GRIK3: variants seen among roughly 807,000 people sequenced by gnomAD.
GRIK3 encodes glutamate receptor ionotropic, kainate 3.
Under a neutral mutation model 102.5 loss-of-function variants are expected in GRIK3, and 29 were observed. The observed-to-expected ratio is 0.28, with a 90% CI of 0.21 to 0.39. The LOEUF is 0.39. Ranked by LOEUF, GRIK3 falls within the 10% of genes least tolerant of loss-of-function variation. The probability of loss-of-function intolerance (pLI) is 1.00; values close to 1 mark genes in which losing one functional copy is unlikely to be tolerated. For synonymous variants in GRIK3, 511 were observed against 504.9 expected, an observed-to-expected ratio of 1.01 and a Z score of -0.16; for missense variants, 908 against 1,252.4, an observed-to-expected ratio of 0.73 and a Z score of 4.15.
rs1314164510 is a variant in GRIK3, at chr1:36,951,797, AGAG to A, written c.116-60704_116-60702del. On this transcript the variant is annotated intron_variant, in intron 1 of 15. Transcript: ENST00000373091. ...GGGCTGAGGAAGACGAGGAGGAGGG[AGAG>A]GAGAGGGCAGAAATGGGGGGAACAG... Among the ~76,000 whole-genome samples, 3 of 150,536 alleles carry A rather than the reference AGAG, an allele frequency of 2.0e-5. No homozygotes were observed. The East Asian group carries it at 5.9e-4, about 29-fold the overall frequency.
intron 13 of GRIK3, among the ~76,000 whole-genome samples, chr1:36,815,956 G>T (rs575873723): frequency 6.6e-6 from 1 of 151,916 alleles, no homozygotes; most frequent in East Asian, 1.9e-4. Context: ...TCACCATATT[G>T]GCCAGGCTGG....
intron 5 of GRIK3, among the ~76,000 whole-genome samples, chr1:36,868,528 G>C (rs1640810208): frequency 1.3e-5 from 2 of 152,212 alleles, no homozygotes; most frequent in African/African-American, 4.8e-5. Flanking sequence ...CTCTCTGGGG[G>C]AGGCGGCTCT....
intron 10 of GRIK3, among the ~76,000 whole-genome samples, chr1:36,833,148 A>G (rs1640329989): frequency 6.6e-6 from 1 of 152,126 alleles, no homozygotes; most frequent in Non-Finnish European, 1.5e-5. Context: ...AAGAATGAGC[A>G]TCAAAATACC....
At chr1:36,993,374 C>T (rs1642382412) in intron 1 of GRIK3, among the ~76,000 whole-genome samples, 1 of 152,100 alleles carries the variant, frequency 6.6e-6, no homozygotes, top group Non-Finnish European at 1.5e-5. Flanking sequence ...AGTGATTCTC[C>T]GCCTCAGCCT....
chr1:36,814,520 C>A (rs7515584), intron 13 of GRIK3, among the ~76,000 whole-genome samples: 21,641 of 134,294 alleles, frequency 0.16, 1,822 homozygotes, highest in South Asian at 0.19. Flanking sequence ...CCCCCCCCCC[C>A]CACACACAGA....
intron 1 of GRIK3, among the ~76,000 whole-genome samples, chr1:36,942,169 C>T (rs71640705): frequency 0.029 from 4,392 of 152,308 alleles, 79 homozygotes; most frequent in South Asian, 0.044. Context: ...CCGAACTCCA[C>T]GGCACTACCT....
In GRIK3 at chr1:36,860,073, C is replaced by T. The variant is rs1300790143; in HGVS notation, c.787-56G>A. On this transcript the variant is annotated intron_variant, in intron 5 of 15. Coordinates refer to ENST00000373091, the MANE Select transcript of GRIK3 (RefSeq NM_000831.4). The stretch of plus-strand genomic sequence containing the variant: ...GCATGCTCACTGCTGAGAACTCCAG[C>T]CCCGCCTCCTACCCACTCCCTAATC... The T allele has an allele frequency of 2.2e-6, 3 of 1,379,950 alleles. No homozygotes were observed. In the African/African-American group the frequency reaches 4.4e-5, roughly 20 times the overall value. 85.5% of individuals were successfully genotyped at this position (1,379,950 alleles called of 1,614,324 possible).
intron 10 of GRIK3, among the ~76,000 whole-genome samples, chr1:36,840,551 CAAAAAAA>C (rs11442581): frequency 5.5e-5 from 4 of 73,314 alleles, no homozygotes; most frequent in South Asian, 6.1e-4. Flanking sequence ...TGCTCTCCAC[CAAAAAAA>C]AAAAAAAAAA....
At chr1:36,804,638 T>G (rs1340273306) in intron 15 of GRIK3, 1 of 440,818 alleles carries the variant, frequency 2.3e-6, no homozygotes, top group African/African-American at 2.0e-5. Flanking sequence ...CTGGAGGGTT[T>G]TATGCAGGAA....
intron 1 of GRIK3, among the ~76,000 whole-genome samples, chr1:36,947,754 C>G (rs953495344): frequency 6.6e-6 from 1 of 152,140 alleles, no homozygotes; most frequent in Admixed American, 6.5e-5. Flanking sequence ...CCTGCCCCCC[C>G]ATGAAGCAGG....
At chr1:36,878,620 C>T (rs1299003649) in intron 3 of GRIK3, among the ~76,000 whole-genome samples, 2 of 152,168 alleles carry the variant, frequency 1.3e-5, no homozygotes, top group Non-Finnish European at 2.9e-5. Flanking sequence ...CTTAAGAGGC[C>T]AGGCTAAGAA....
At chr1:36,920,269 G>C (rs1641452177) in intron 1 of GRIK3, among the ~76,000 whole-genome samples, 1 of 152,174 alleles carries the variant, frequency 6.6e-6, no homozygotes, top group Admixed American at 6.5e-5. Context: ...CTAACTAGCT[G>C]TTACTCAACC....
chr1:36,935,412 A>G (rs539268025), intron 1 of GRIK3, among the ~76,000 whole-genome samples: 1 of 152,300 alleles, frequency 6.6e-6, no homozygotes, highest in South Asian at 2.1e-4. Flanking sequence ...ATGCATTAGC[A>G]TCCAGAATTC....
chr1:36,807,110 C>T lies in GRIK3; in HGVS notation c.2092-784G>A, dbSNP rs192751164. Reference sequence around the variant, plus strand: ...TAGGTGGTCTGCAAACCCCCTTCAGCTACACCAGAGCCCAGGGCTGTAGGG... The same window carrying T: ...TAGGTGGTCTGCAAACCCCCTTCAGTTACACCAGAGCCCAGGGCTGTAGGG... On this transcript the variant is annotated intron_variant, in intron 13 of 15. Coordinates refer to ENST00000373091, the MANE Select transcript of GRIK3 (RefSeq NM_000831.4). Among the ~76,000 whole-genome samples the T allele has an allele frequency of 8.3e-4, 126 of 152,244 alleles. 1 individual carries two copies. Among genetic ancestry groups the T allele is most frequent in the African/African-American group, 2.9e-3 (121 of 41,530 alleles).
rs948206954 is a variant in GRIK3, at chr1:36,801,770, G to T, written c.*81C>A. On this transcript the variant is annotated 3_prime_UTR_variant, in exon 16 of 16. Coordinates refer to ENST00000373091, the MANE Select transcript of GRIK3 (RefSeq NM_000831.4). The stretch of plus-strand genomic sequence containing the variant: ...CAGCTCTGGTCCCCAAGCCCAGTGC[G>T]GGGACAGGGGACGTTCCTTCCAATC... 5 of 1,242,170 alleles carry T rather than the reference G, an allele frequency of 4.0e-6. No individual in the cohort carries two copies. The highest frequency in any genetic ancestry group is 2.5e-5 in the East Asian group (1 of 40,512). 76.9% of individuals were successfully genotyped at this position (1,242,170 alleles called of 1,614,324 possible).
chr1:36,835,597 A>G (rs1640367518), intron 10 of GRIK3, among the ~76,000 whole-genome samples: 1 of 152,166 alleles, frequency 6.6e-6, no homozygotes, highest in Non-Finnish European at 1.5e-5. Flanking sequence ...GAGTAATGGC[A>G]TAATCCCCTG....
intron 1 of GRIK3, among the ~76,000 whole-genome samples, chr1:36,934,573 C>T (rs746075968): frequency 6.6e-5 from 10 of 152,182 alleles, no homozygotes; most frequent in Non-Finnish European, 1.3e-4. Flanking sequence ...AAGCCTTTCC[C>T]GACCTCCCAG....
intron 1 of GRIK3, among the ~76,000 whole-genome samples, chr1:36,913,151 G>A (rs1641363994): frequency 6.6e-6 from 1 of 152,186 alleles, no homozygotes; most frequent in Non-Finnish European, 1.5e-5. Flanking sequence ...AGAGGGCCTG[G>A]CTCTCCCTGG....
chr1:37,001,375 C>T (rs1642474476), intron 1 of GRIK3, among the ~76,000 whole-genome samples: 2 of 152,200 alleles, frequency 1.3e-5, no homozygotes, highest in Non-Finnish European at 2.9e-5. Context: ...TCAATAACTC[C>T]ATACATTAGG....
Sources: allele counts gnomAD v4.1 joint callset (sites outside exome capture counted in the v4.1 genomes callset), GRCh38; gene constraint gnomAD v4.1.1; transcripts MANE v1.5; gene names NCBI Gene and HGNC (gene_info 2026-07-23, HGNC 2026-07-21).